Variants in KLHL4 observed in about 807,000 individuals in gnomAD.
KLHL4 encodes kelch like family member 4.
KLHL4 carries 17 observed loss-of-function variants against 45.8 expected under a neutral mutation model. That is an observed-to-expected ratio of 0.37 (90% CI 0.25 to 0.56). The LOEUF is 0.56. KLHL4 is among the 20% of genes least tolerant of loss of function. The pLI, the probability that KLHL4 is intolerant of heterozygous loss-of-function variation, is 0.79. For synonymous variants in KLHL4, 224 were observed against 189.9 expected (o/e 1.18, Z -1.47); for missense variants, 544 against 544.9 (o/e 1.00, Z 0.02).
intron 4 of KLHL4, 67 bp downstream of exon 4, chrX:87,618,195 C>T (rs1569354635): frequency 1.5e-5 from 13 of 861,265 alleles, no homozygotes; most frequent in Non-Finnish European, 1.9e-5. Flanking sequence ...AATTAATAAG[C>T]AACATAAACT....
intron 1 of KLHL4, among the ~76,000 whole-genome samples, chrX:87,568,872 AG>A (rs1215509063): frequency 8.9e-6 from 1 of 111,966 alleles, no homozygotes; most frequent in Non-Finnish European, 1.9e-5. Context: ...CCTGAATATA[AG>A]AGCTAAAGCT....
chrX:87,539,399 T>C (rs1931504556), intron 1 of KLHL4, among the ~76,000 whole-genome samples: 1 of 110,892 alleles, frequency 9.0e-6, no homozygotes, highest in Admixed American at 9.7e-5. Context: ...CTTCTTCTTA[T>C]CTGGAAGGTA....
intron 1 of KLHL4, among the ~76,000 whole-genome samples, chrX:87,595,026 T>G (rs1441521586): frequency 3.6e-5 from 4 of 110,538 alleles, no homozygotes; most frequent in Non-Finnish European, 3.8e-5. Context: ...TCTCTTTTTT[T>G]TTTTTTATTA....
chrX:87,602,873 A>C (rs1327685198), intron 1 of KLHL4, among the ~76,000 whole-genome samples: 1 of 112,103 alleles, frequency 8.9e-6, no homozygotes, highest in Non-Finnish European at 1.9e-5. Flanking sequence ...TTCTGGGCAG[A>C]TATCTTTTTA....
chrX:87,661,770 A>G (rs1240325555), intron 9 of KLHL4, among the ~76,000 whole-genome samples: 1 of 111,987 alleles, frequency 8.9e-6, no homozygotes, highest in African/African-American at 3.2e-5. Context: ...GAGAAAAACG[A>G]GAACTTTACA....
chrX:87,541,492 CAA>C (rs34665491), intron 1 of KLHL4, among the ~76,000 whole-genome samples: 6 of 44,385 alleles, frequency 1.4e-4, no homozygotes, highest in African/African-American at 1.9e-4. Context: ...CTCCATCTCA[CAA>C]AAAAAAAAAA....
chrX:87,584,644 G>C (rs1024041882), intron 1 of KLHL4, among the ~76,000 whole-genome samples: 2 of 110,370 alleles, frequency 1.8e-5, no homozygotes, highest in African/African-American at 6.6e-5. Context: ...TTTGAAGACA[G>C]CTACTTGAAA....
chrX:87,537,098 AC>A (rs1300584642), intron 1 of KLHL4, among the ~76,000 whole-genome samples: 1 of 111,682 alleles, frequency 9.0e-6, no homozygotes, highest in Non-Finnish European at 1.9e-5. Flanking sequence ...GTATCTAAGA[AC>A]AAAGAACAAT....
intron 9 of KLHL4, among the ~76,000 whole-genome samples, chrX:87,661,530 G>A (rs920732140): frequency 1.8e-5 from 2 of 110,756 alleles, no homozygotes; most frequent in African/African-American, 6.6e-5. Flanking sequence ...AGCAGAACAA[G>A]CCTTATTATG....
At chrX:87,550,046 TAAATA>T (rs1009771975) in intron 1 of KLHL4, among the ~76,000 whole-genome samples, 2 of 111,013 alleles carry the variant, frequency 1.8e-5, no homozygotes, top group African/African-American at 6.5e-5. Context: ...AAGATCCAAA[TAAATA>T]AAATCAAAAA....
chrX:87,632,333 G>C lies in KLHL4; in HGVS notation c.1448G>C (p.Gly483Ala). 8.3e-7 allele frequency: 1 copy of C among 1,210,237 alleles called. No individual in the cohort carries two copies. The highest frequency in any genetic ancestry group is 1.1e-6 in the Non-Finnish European group (1 of 894,337). ...VIDNKLYVVG[G>A]RDGLKTLNTV... ...GATAATAAGCTCTATGTCGTGGGAG[G>C]AAGAGACGGTTTAAAAACTTTGAAT... The change falls in exon 7 of 11, where the codon GGA becomes GCA. Residue 483 changes from glycine (G) to alanine (A), a missense_variant. Physicochemically the swap from Gly to Ala is moderately conservative, Grantham distance 60 (BLOSUM62 0). Coordinates refer to ENST00000373119, the MANE Select transcript of KLHL4 (RefSeq NM_019117.5).
chrX:87,636,669 C>T lies in KLHL4; in HGVS notation c.1925+894C>T, dbSNP rs747169528. On this transcript the variant is annotated intron_variant, in intron 9 of 10. Coordinates refer to ENST00000373119, the MANE Select transcript of KLHL4 (RefSeq NM_019117.5). Reference sequence around the variant, plus strand: ...TGAGACCAGCCTTTCTGGCTGCAGGCTGCATGGGAGCTGGGTGAGGCCTGT... The same window carrying T: ...TGAGACCAGCCTTTCTGGCTGCAGGTTGCATGGGAGCTGGGTGAGGCCTGT... 2.3e-3 allele frequency among the ~76,000 whole-genome samples: 256 copies of T among 110,558 alleles called. 1 individual carries two copies. Among genetic ancestry groups the T allele is most frequent in the Non-Finnish European group, 4.2e-3 (223 of 52,816 alleles).
At chrX:87,599,505 CAAT>C (rs768581038) in intron 1 of KLHL4, among the ~76,000 whole-genome samples, 28 of 111,386 alleles carry the variant, frequency 2.5e-4, no homozygotes, top group Non-Finnish European at 4.5e-4. Flanking sequence ...ATTCATACAA[CAAT>C]GTTTCTGAAA....
At chrX:87,537,585 C>T (rs1931461294) in intron 1 of KLHL4, among the ~76,000 whole-genome samples, 1 of 110,707 alleles carries the variant, frequency 9.0e-6, no homozygotes, top group South Asian at 3.8e-4. Flanking sequence ...TTTCAAAAAC[C>T]ATGCCCTGTT....
chrX:87,622,194 T>C lies in KLHL4; in HGVS notation c.925-17T>C. ...TTCTAAAGTGCAAAGTTTTAGTAGATGACCTTTCTTTTCTAGGAACACTTC... is the reference window on the plus strand; with the variant it reads ...TTCTAAAGTGCAAAGTTTTAGTAGACGACCTTTCTTTTCTAGGAACACTTC... On this transcript the variant is annotated splice_polypyrimidine_tract_variant and intron_variant, in intron 4 of 10. Coordinates refer to ENST00000373119, the MANE Select transcript of KLHL4 (RefSeq NM_019117.5). 1.8e-6 allele frequency: 2 copies of C among 1,123,804 alleles called. No individual in the cohort carries two copies. The highest frequency in any genetic ancestry group is 1.8e-5 in the African/African-American group (1 of 56,148). The allele number at this position is 1,123,804 out of a possible 1,213,427, so 92.6% of individuals were successfully genotyped here. A position where few individuals can be genotyped will look rare whatever the true frequency, so the allele number is the denominator to read the frequency against.
chrX:87,535,547 G>A (rs1216579361), intron 1 of KLHL4, among the ~76,000 whole-genome samples: 1 of 111,421 alleles, frequency 9.0e-6, no homozygotes, highest in Non-Finnish European at 1.9e-5. Flanking sequence ...AGCCAACTCA[G>A]GAGCAACTAT....
At chrX:87,664,233 C>T (rs1020629710) in intron 9 of KLHL4, among the ~76,000 whole-genome samples, 1 of 111,538 alleles carries the variant, frequency 9.0e-6, no homozygotes, top group African/African-American at 3.3e-5. Context: ...TAAGAACTCT[C>T]AGCAGGGAAA....
Position 87,669,537 on chromosome X carries a change from A to T in KLHL4, c.*3003A>T. The stretch of plus-strand genomic sequence containing the variant: ...GCAATATAGAAAAAAAAACCCTGTG[A>T]CTCTGGATTTTATTTTAAGTTCTCT... On this transcript the variant is annotated 3_prime_UTR_variant, in exon 11 of 11. Coordinates refer to ENST00000373119, the MANE Select transcript of KLHL4 (RefSeq NM_019117.5). 1.4e-6 allele frequency: 1 copy of T among 690,078 alleles called. No individual in the cohort carries two copies. The highest frequency in any genetic ancestry group is 4.9e-5 in the Admixed American group (1 of 20,325). 56.9% of individuals were successfully genotyped at this position (690,078 alleles called of 1,213,427 possible).
chrX:87,574,803 C>T (rs904476792), intron 1 of KLHL4, among the ~76,000 whole-genome samples: 2 of 111,677 alleles, frequency 1.8e-5, no homozygotes, highest in Non-Finnish European at 3.8e-5. Context: ...AACTTATTAA[C>T]TTAAAAGGAG....
Sources: allele counts gnomAD v4.1 joint callset (sites outside exome capture counted in the v4.1 genomes callset), GRCh38; gene constraint gnomAD v4.1.1; transcripts MANE v1.5; gene names NCBI Gene and HGNC (gene_info 2026-07-23, HGNC 2026-07-21).